ROCK1: variants seen among roughly 807,000 people sequenced by gnomAD.
ROCK1 encodes the protein Rho associated coiled-coil containing protein kinase 1.
ROCK1 carries 36 observed loss-of-function variants against 196.8 expected under a neutral mutation model. The observed-to-expected ratio is 0.18, with a 90% CI of 0.14 to 0.24. The LOEUF (loss-of-function observed/expected upper bound fraction) is 0.24, where lower values mean the gene tolerates loss of function less well. Ranked by LOEUF, ROCK1 falls within the 10% of genes least tolerant of loss-of-function variation. The pLI, the probability that ROCK1 is intolerant of heterozygous loss-of-function variation, is 1.00. For missense variants in ROCK1, 920 were observed against 1,562.0 expected (o/e 0.59, Z 6.93); for synonymous variants, 443 against 515.9 (o/e 0.86, Z 1.91).
At chr18:21,041,687 T>G (rs911346581) in intron 8 of ROCK1, among the ~76,000 whole-genome samples, 1 of 152,150 alleles carries the variant, frequency 6.6e-6, no homozygotes, top group Non-Finnish European at 1.5e-5. Flanking sequence ...GTTTAAAGTA[T>G]AAGGTGTATC....
intron 29 of ROCK1, among the ~76,000 whole-genome samples, chr18:20,956,930 A>T (rs1457756098): frequency 1.3e-5 from 2 of 152,230 alleles, no homozygotes; most frequent in Admixed American, 1.3e-4. Context: ...TGGTATTATT[A>T]GTTATGAGGA....
intron 1 of ROCK1, among the ~76,000 whole-genome samples, chr18:21,081,831 C>G (rs534276003): frequency 5.3e-5 from 8 of 152,238 alleles, no homozygotes; most frequent in African/African-American, 1.9e-4. Flanking sequence ...TCAGAATACA[C>G]CAATAACTGT....
intron 2 of ROCK1, among the ~76,000 whole-genome samples, chr18:21,056,200 A>G (rs906402045): frequency 1.3e-5 from 2 of 152,168 alleles, no homozygotes; most frequent in African/African-American, 4.8e-5. Flanking sequence ...AACCATCTAC[A>G]TATCAACTTC....
At chr18:21,083,145 A>G (rs2036496278) in intron 1 of ROCK1, among the ~76,000 whole-genome samples, 1 of 152,256 alleles carries the variant, frequency 6.6e-6, no homozygotes, top group Non-Finnish European at 1.5e-5. Flanking sequence ...GGCTAAAGAC[A>G]TGTACACTGA....
At chr18:20,990,015 G>A (rs1375609710) in intron 18 of ROCK1, among the ~76,000 whole-genome samples, 1 of 149,190 alleles carries the variant, frequency 6.7e-6, no homozygotes, top group Non-Finnish European at 1.5e-5. Flanking sequence ...GGCCGAGGTG[G>A]AAGGATCCCT....
intron 27 of ROCK1, among the ~76,000 whole-genome samples, chr18:20,961,264 T>C (rs2035323454): frequency 6.6e-6 from 1 of 152,198 alleles, no homozygotes; most frequent in Non-Finnish European, 1.5e-5. Context: ...ATTCAAATGG[T>C]AATCCTAAGG....
chr18:21,037,366 C>A lies in ROCK1; in HGVS notation c.1051+2106G>T, dbSNP rs1300350928. ...TAAGTGGTAAAAATACCAAAAAAAA[C>A]TATTATTTGTATTAGAAAGCAATTT... On this transcript the variant is annotated intron_variant, in intron 9 of 32. Coordinates refer to ENST00000399799, the MANE Select transcript of ROCK1 (RefSeq NM_005406.3). 3.9e-5 allele frequency among the ~76,000 whole-genome samples: 6 copies of A among 152,104 alleles called. No individual in the cohort carries two copies. In the South Asian group the frequency reaches 6.2e-4, roughly 16 times the overall value.
intron 12 of ROCK1, among the ~76,000 whole-genome samples, chr18:21,017,833 C>T (rs1324221626): frequency 6.6e-6 from 1 of 151,606 alleles, no homozygotes; most frequent in East Asian, 2.0e-4. Flanking sequence ...ATTAGCCAGG[C>T]ATGGTGGCGG....
intron 4 of ROCK1, among the ~76,000 whole-genome samples, chr18:21,047,516 G>A (rs1281845175): frequency 5.9e-5 from 9 of 152,150 alleles, no homozygotes; most frequent in South Asian, 2.1e-4. Context: ...TATGGTGACC[G>A]GGCACGGTGG....
At chr18:21,095,969 A>AT (rs2036609441) in intron 1 of ROCK1, among the ~76,000 whole-genome samples, 1 of 151,930 alleles carries the variant, frequency 6.6e-6, no homozygotes, top group African/African-American at 2.4e-5. Context: ...TACACCTACT[A>AT]TGTATCCACA....
chr18:21,035,176 C>T (rs1464181960), intron 9 of ROCK1, among the ~76,000 whole-genome samples: 2 of 152,188 alleles, frequency 1.3e-5, no homozygotes, highest in Non-Finnish European at 2.9e-5. Flanking sequence ...AGAAACCAGA[C>T]CCATGTGCAC....
At chr18:21,038,789 T>G (rs1173805922) in intron 9 of ROCK1, among the ~76,000 whole-genome samples, 1 of 152,216 alleles carries the variant, frequency 6.6e-6, no homozygotes, top group Non-Finnish European at 1.5e-5. Context: ...AGGGGAAAGA[T>G]GAATTCTTTA....
intron 9 of ROCK1, among the ~76,000 whole-genome samples, chr18:21,032,067 C>A (rs996523382): frequency 3.3e-5 from 5 of 152,124 alleles, no homozygotes; most frequent in Admixed American, 6.5e-5. Context: ...GAAATAATGG[C>A]CAAACCTTTC....
chr18:21,084,796 T>C (rs1409241673), intron 1 of ROCK1, among the ~76,000 whole-genome samples: 1 of 152,190 alleles, frequency 6.6e-6, no homozygotes, highest in African/African-American at 2.4e-5. Flanking sequence ...GAACAGATAT[T>C]TGTACACCAA....
chr18:21,017,143 C>A (rs2143456442), intron 12 of ROCK1, among the ~76,000 whole-genome samples: 1 of 150,518 alleles, frequency 6.6e-6, no homozygotes, highest in Middle Eastern at 3.5e-3. Context: ...CCTGATATTC[C>A]TGTATAATTT....
intron 29 of ROCK1, among the ~76,000 whole-genome samples, chr18:20,956,615 G>T (rs1205351793): frequency 6.6e-6 from 1 of 152,128 alleles, no homozygotes; most frequent in African/African-American, 2.4e-5. Flanking sequence ...TACCTATGTG[G>T]GGGGAAAAAA....
rs748282303 is a variant in ROCK1, at chr18:20,951,384, T to A, written c.4065A>T (p.Ter1355TyrextTer4). The A allele has an allele frequency of 1.9e-5, 31 of 1,596,820 alleles. No individual in the cohort carries two copies. In the South Asian group the frequency reaches 3.1e-4, roughly 16 times the overall value. ...VVKNTSGKTS[*>Y] Reference sequence around the variant, plus strand: ...TTCCACAGGGCACTCAGTCACATGGTTAACTGTTGAGGGAGGGGGAAAAAA... The same window carrying A: ...TTCCACAGGGCACTCAGTCACATGGATAACTGTTGAGGGAGGGGGAAAAAA... Residue 1355 changes from the stop codon to tyrosine (Y), a stop_lost, in exon 33 of 33, where the codon TAA becomes TAT. Coordinates refer to ENST00000399799, the MANE Select transcript of ROCK1 (RefSeq NM_005406.3).
At chr18:21,009,309 G>C (rs1454733373) in intron 13 of ROCK1, among the ~76,000 whole-genome samples, 2 of 150,466 alleles carry the variant, frequency 1.3e-5, no homozygotes, top group Non-Finnish European at 3.0e-5. Context: ...CACCGCGCCT[G>C]GCCAAGACAG....
At chr18:21,031,054 C>T (rs775531020) in intron 9 of ROCK1, among the ~76,000 whole-genome samples, 5 of 152,096 alleles carry the variant, frequency 3.3e-5, no homozygotes, top group Admixed American at 6.5e-5. Flanking sequence ...ATACACATGA[C>T]AAGGAATACA....
Sources: gnomAD v4.1 joint callset for allele counts (sites outside exome capture counted in the v4.1 genomes callset) on GRCh38, gnomAD v4.1.1 for gene constraint, MANE v1.5 for transcripts, NCBI Gene and HGNC (gene_info 2026-07-23, HGNC 2026-07-21) for gene names.